RNF150: variants seen among roughly 807,000 people sequenced by gnomAD.
The protein encoded by RNF150 is ring finger protein 150.
In RNF150, 24 loss-of-function variants were observed where a neutral mutation model predicts 39.3. The ratio of observed to expected loss-of-function variants is 0.61; its 90% CI spans 0.44 to 0.86. The LOEUF (loss-of-function observed/expected upper bound fraction) is 0.86. Among genes scored for constraint, RNF150 ranks in the 40% least tolerant of loss-of-function variants. RNF150 has a pLI of 0.00. For synonymous variants in RNF150, 255 were observed against 227.3 expected, an observed-to-expected ratio of 1.12 and a Z score of -1.10; for missense variants, 502 against 587.8, an observed-to-expected ratio of 0.85 and a Z score of 1.51.
chr4:141,028,592 C>T (rs758356486), intron 1 of RNF150, among the ~76,000 whole-genome samples: 1 of 152,090 alleles, frequency 6.6e-6, no homozygotes, highest in Non-Finnish European at 1.5e-5. Flanking sequence ...GAAAAGAAAG[C>T]ATCAGTGTAG....
chr4:141,122,546 A>G (rs1025209577), intron 1 of RNF150, among the ~76,000 whole-genome samples: 2 of 152,240 alleles, frequency 1.3e-5, no homozygotes, highest in African/African-American at 4.8e-5. Flanking sequence ...GCCTTTGACT[A>G]ATCCCATACT....
At chr4:140,998,980 A>T (rs547453009) in intron 1 of RNF150, among the ~76,000 whole-genome samples, 1 of 152,330 alleles carries the variant, frequency 6.6e-6, no homozygotes, top group African/African-American at 2.4e-5. Flanking sequence ...TCTACTTTAG[A>T]TCTCAAAGCC....
chr4:141,070,538 AAAAAC>A (rs1284437576), intron 1 of RNF150, among the ~76,000 whole-genome samples: 2 of 150,442 alleles, frequency 1.3e-5, no homozygotes, highest in African/African-American at 4.9e-5. Context: ...TTTACAAGAA[AAAAAC>A]AAACAACCCC....
chr4:140,938,387 A>G (rs1731944156), intron 4 of RNF150, among the ~76,000 whole-genome samples: 1 of 152,054 alleles, frequency 6.6e-6, no homozygotes, highest in Non-Finnish European at 1.5e-5. Context: ...CCCCCTAAAG[A>G]GGGAATTTCA....
intron 6 of RNF150, among the ~76,000 whole-genome samples, chr4:140,902,607 A>C (rs939884842): frequency 6.6e-6 from 1 of 152,090 alleles, no homozygotes; most frequent in Non-Finnish European, 1.5e-5. Context: ...TTTTTTTTCA[A>C]TATTTATTTC....
intron 2 of RNF150, among the ~76,000 whole-genome samples, chr4:140,957,364 C>T (rs1732803837): frequency 6.6e-6 from 1 of 151,840 alleles, no homozygotes. Context: ...CCATCTCACA[C>T]CAGTTAGAAT....
intron 1 of RNF150, among the ~76,000 whole-genome samples, chr4:141,099,368 A>T (rs1431485230): frequency 6.6e-6 from 1 of 152,178 alleles, no homozygotes; most frequent in African/African-American, 2.4e-5. Flanking sequence ...TCAGTTATCA[A>T]TATCAGATTG....
chr4:140,892,940 T>C (rs1201145433), intron 6 of RNF150, among the ~76,000 whole-genome samples: 1 of 152,108 alleles, frequency 6.6e-6, no homozygotes, highest in African/African-American at 2.4e-5. Context: ...TGGTGGTGTG[T>C]ACCTGTAGTC....
intron 1 of RNF150, among the ~76,000 whole-genome samples, chr4:141,067,278 T>C (rs1457347791): frequency 9.9e-5 from 15 of 152,190 alleles, no homozygotes; most frequent in South Asian, 2.1e-4. Flanking sequence ...TTTGCAAGAA[T>C]GTGAAATCAT....
intron 5 of RNF150, among the ~76,000 whole-genome samples, chr4:140,918,718 C>A (rs1730961968): frequency 9.2e-6 from 1 of 108,318 alleles, no homozygotes; most frequent in Non-Finnish European, 2.0e-5. Flanking sequence ...CAAAGCCTGG[C>A]AGACACACAA....
chr4:140,900,732 A>G (rs1396246643), intron 6 of RNF150, among the ~76,000 whole-genome samples: 1 of 152,130 alleles, frequency 6.6e-6, no homozygotes, highest in Non-Finnish European at 1.5e-5. Flanking sequence ...TGTCTGACCA[A>G]TATCATTCTC....
Position 140,911,267 on chromosome 4 carries a change from C to G in RNF150, c.1075G>C (p.Asp359His). The G allele has an allele frequency of 6.2e-7, 1 of 1,614,084 alleles. No homozygotes were observed. Among genetic ancestry groups the G allele is most frequent in the South Asian group, 1.1e-5 (1 of 91,068 alleles). Reference protein sequence around the residue: ...PPTNQITGASDTTVNESSVTL... With the variant: ...PPTNQITGASHTTVNESSVTL... ...ACTGAACTTTCATTCACTGTTGTGT[C>G]GCTGGCACCTGTGATCTGGTTGGTG... The change falls in exon 6 of 7, where the codon GAC becomes CAC. Residue 359 changes from aspartate (D) to histidine (H), a missense_variant. Coordinates refer to ENST00000515673, the MANE Select transcript of RNF150 (RefSeq NM_020724.2).
At chr4:140,920,577 A>T (rs187749445) in intron 5 of RNF150, among the ~76,000 whole-genome samples, 1,522 of 120,386 alleles carry the variant, frequency 0.013, 68 homozygotes, top group Non-Finnish European at 0.019. Flanking sequence ...GAACACTTTT[A>T]CACTGTTGTT....
chr4:141,042,455 A>C (rs1178284926), intron 1 of RNF150, among the ~76,000 whole-genome samples: 1 of 152,112 alleles, frequency 6.6e-6, no homozygotes, highest in East Asian at 1.9e-4. Context: ...AATTTCAACT[A>C]GTTTAATTCA....
In RNF150 at chr4:141,200,223, A is replaced by C. The variant is rs137907084; in HGVS notation, c.-6+12571T>G. 3.4e-4 allele frequency among the ~76,000 whole-genome samples: 51 copies of C among 152,194 alleles called. 1 individual carries two copies. In the East Asian group the frequency reaches 8.1e-3, roughly 24 times the overall value. The stretch of plus-strand genomic sequence containing the variant: ...ATGAGGGCCCTTTTTTGGGTTACAG[A>C]CTGTCTTCTTCTTGCTGTATTCTCA... On this transcript the variant is annotated intron_variant, in intron 1 of 7. Transcript: ENST00000420921.
intron 1 of RNF150, among the ~76,000 whole-genome samples, chr4:141,111,297 A>C (rs1308155501): frequency 6.6e-6 from 1 of 152,222 alleles, no homozygotes; most frequent in Admixed American, 6.5e-5. Context: ...TTGGCAAAAT[A>C]AACAATTAAT....
At chr4:141,053,682 T>C in intron 1 of RNF150, 1 of 1,403,752 alleles carries the variant, frequency 7.1e-7, no homozygotes, top group Non-Finnish European at 9.3e-7. Flanking sequence ...AAAGGGAATA[T>C]GGGCATGGTG....
In RNF150 at chr4:140,863,200, G is replaced by A. The variant is rs549459511; in HGVS notation, c.*5061C>T. The A allele has an allele frequency of 6.6e-6, 1 of 152,292 alleles. No individual in the cohort carries two copies. The highest frequency in any genetic ancestry group is 2.1e-4 in the South Asian group (1 of 4,822). 9.4% of individuals were successfully genotyped at this position (152,292 alleles called of 1,614,324 possible). ...AGTTTTTCCAAGAAATCCTAACCCT[G>A]GGGGCTCAGGCGAATGAGGAGGGTC... On this transcript the variant is annotated 3_prime_UTR_variant, in exon 7 of 7. Transcript: ENST00000515673.
At chr4:141,105,682 C>T (rs1456858790) in intron 1 of RNF150, among the ~76,000 whole-genome samples, 1 of 152,146 alleles carries the variant, frequency 6.6e-6, no homozygotes, top group African/African-American at 2.4e-5. Flanking sequence ...TCCATACATC[C>T]TCTCTTTCTT....
Sources: allele counts gnomAD v4.1 joint callset (sites outside exome capture counted in the v4.1 genomes callset), GRCh38; gene constraint gnomAD v4.1.1; transcripts MANE v1.5; gene names NCBI Gene and HGNC (gene_info 2026-07-23, HGNC 2026-07-21).